Variants in DSCAM observed in about 807,000 individuals in gnomAD.
DSCAM encodes DS cell adhesion molecule.
A neutral mutation model predicts 217.7 loss-of-function variants in DSCAM; 47 were observed. The ratio of observed to expected loss-of-function variants is 0.22; its 90% CI spans 0.17 to 0.28. DSCAM has a LOEUF of 0.28. DSCAM is among the 10% of genes least tolerant of loss of function. The pLI, the probability that DSCAM is intolerant of heterozygous loss-of-function variation, is 1.00. For missense variants in DSCAM, 2,080 were observed against 2,618.3 expected, an observed-to-expected ratio of 0.79 and a Z score of 4.49; for synonymous variants, 1,056 against 1,015.3, an observed-to-expected ratio of 1.04 and a Z score of -0.76.
At chr21:40,428,427 T>C (rs1216248682) in intron 3 of DSCAM, among the ~76,000 whole-genome samples, 3 of 151,970 alleles carry the variant, frequency 2.0e-5, no homozygotes, top group Admixed American at 6.6e-5. Context: ...TGCACCACCA[T>C]GCCCAGCTAA....
At chr21:40,483,595 G>A (rs771347430) in intron 3 of DSCAM, among the ~76,000 whole-genome samples, 1 of 151,896 alleles carries the variant, frequency 6.6e-6, no homozygotes, top group Non-Finnish European at 1.5e-5. Context: ...CCTGTATAAC[G>A]GAGGCATGTT....
intron 15 of DSCAM, among the ~76,000 whole-genome samples, chr21:40,175,778 CAT>C (rs201732532): frequency 0.047 from 1,916 of 40,674 alleles, 52 homozygotes; most frequent in African/African-American, 0.14. Flanking sequence ...TCAACACACA[CAT>C]ACACACACAC....
intron 32 of DSCAM, among the ~76,000 whole-genome samples, chr21:40,030,179 G>A (rs1376394242): frequency 6.6e-6 from 1 of 152,174 alleles, no homozygotes; most frequent in Non-Finnish European, 1.5e-5. Flanking sequence ...TCTAGAGGAA[G>A]GCTTGCTCCC....
chr21:40,762,559 C>G (rs2091346215), intron 1 of DSCAM, among the ~76,000 whole-genome samples: 1 of 152,150 alleles, frequency 6.6e-6, no homozygotes, highest in African/African-American at 2.4e-5. Context: ...ACTGTTCCTT[C>G]TGAAATTATT....
In DSCAM at chr21:40,322,490, T is replaced by C. The variant is rs185663667; in HGVS notation, c.1784-10131A>G. On this transcript the variant is annotated intron_variant, in intron 8 of 32. Coordinates refer to ENST00000400454, the MANE Select transcript of DSCAM (RefSeq NM_001389.5). ...ATTTCTCATTTCTAATTTGAAATAT[T>C]GGACTCATGTCATTATAGAAAGCGG... 1.1e-3 allele frequency among the ~76,000 whole-genome samples: 171 copies of C among 152,018 alleles called. 1 individual carries two copies. The highest frequency in any genetic ancestry group is 4.0e-3 in the African/African-American group (164 of 41,488).
chr21:40,672,602 C>A (rs1431183949), intron 3 of DSCAM, among the ~76,000 whole-genome samples: 1 of 152,082 alleles, frequency 6.6e-6, no homozygotes, highest in South Asian at 2.1e-4. Flanking sequence ...TTATAGTGAG[C>A]CTAAGTGGCT....
chr21:40,348,223 T>G (rs1198489493), intron 5 of DSCAM, among the ~76,000 whole-genome samples: 3 of 152,094 alleles, frequency 2.0e-5, no homozygotes, highest in Non-Finnish European at 2.9e-5. Flanking sequence ...ACAGTTCCTA[T>G]CAGCCACATT....
At chr21:40,280,636 A>G (rs571939746) in intron 10 of DSCAM, among the ~76,000 whole-genome samples, 1 of 152,362 alleles carries the variant, frequency 6.6e-6, no homozygotes, top group Admixed American at 6.5e-5. Flanking sequence ...TCAAAAATTC[A>G]AACAGTAAAA....
At chr21:40,329,983 T>C (rs1449321851) in intron 8 of DSCAM, among the ~76,000 whole-genome samples, 9 of 151,982 alleles carry the variant, frequency 5.9e-5, no homozygotes, top group Non-Finnish European at 1.0e-4. Context: ...TAATAATTTA[T>C]TGTATTCTTG....
intron 3 of DSCAM, among the ~76,000 whole-genome samples, chr21:40,496,637 G>A (rs772795615): frequency 5.3e-5 from 8 of 152,048 alleles, no homozygotes; most frequent in Non-Finnish European, 8.8e-5. Context: ...GGCAACAAAC[G>A]TAGACAACTA....
At chr21:40,617,507 A>G (rs1489276408) in intron 3 of DSCAM, among the ~76,000 whole-genome samples, 1 of 152,132 alleles carries the variant, frequency 6.6e-6, no homozygotes, top group East Asian at 1.9e-4. Flanking sequence ...TCCTTCTAGG[A>G]CCCGAGCAGG....
chr21:40,654,960 C>A (rs758824500), intron 3 of DSCAM, among the ~76,000 whole-genome samples: 7 of 152,272 alleles, frequency 4.6e-5, no homozygotes, highest in Non-Finnish European at 8.8e-5. Context: ...GTTAAGGATA[C>A]CCCCTCAGCT....
intron 4 of DSCAM, among the ~76,000 whole-genome samples, chr21:40,358,773 G>C (rs1386929567): frequency 1.4e-5 from 2 of 145,640 alleles, no homozygotes; most frequent in Admixed American, 1.4e-4. Flanking sequence ...CTGCATTCCA[G>C]CCTGGGCAAC....
At chr21:40,473,681 G>A (rs974362173) in intron 3 of DSCAM, among the ~76,000 whole-genome samples, 5 of 152,108 alleles carry the variant, frequency 3.3e-5, no homozygotes, top group African/African-American at 9.7e-5. Flanking sequence ...CCAGTACCTC[G>A]GGATAAGGTA....
chr21:40,460,141 A>ACGAG (rs2075794849), intron 3 of DSCAM, among the ~76,000 whole-genome samples: 2 of 152,152 alleles, frequency 1.3e-5, no homozygotes, highest in Non-Finnish European at 2.9e-5. Context: ...CATTGGGGAA[A>ACGAG]GGAGAGCATC....
chr21:40,533,572 TCCATCCATCCAA>T (rs2076469071), intron 3 of DSCAM, among the ~76,000 whole-genome samples: 2 of 60,622 alleles, frequency 3.3e-5, no homozygotes, highest in Admixed American at 1.6e-4. Context: ...CATCCATCCA[TCCATCCATCCAA>T]CCATCCATCC....
intron 32 of DSCAM, among the ~76,000 whole-genome samples, chr21:40,014,153 G>A (rs753843038): frequency 2.6e-5 from 4 of 152,222 alleles, no homozygotes; most frequent in Admixed American, 1.3e-4. Flanking sequence ...AACTTCGGGA[G>A]GCCGAGGCGG....
At chr21:40,276,025 C>A (rs1262342758) in intron 11 of DSCAM, 72 bp downstream of exon 11, 2 of 1,434,332 alleles carry the variant, frequency 1.4e-6, no homozygotes, top group African/African-American at 1.4e-5. Context: ...TGTATGGAGA[C>A]AATTGAAAAA....
intron 3 of DSCAM, 24 bp downstream of exon 3, chr21:40,692,786 G>C: frequency 6.2e-7 from 1 of 1,604,958 alleles, no homozygotes. Context: ...GTGGTGTCCT[G>C]CACCCTGGAG....
Sources: gnomAD v4.1 joint callset for allele counts (sites outside exome capture counted in the v4.1 genomes callset) on GRCh38, gnomAD v4.1.1 for gene constraint, MANE v1.5 for transcripts, NCBI Gene and HGNC (gene_info 2026-07-23, HGNC 2026-07-21) for gene names.